Variants in RAPGEF1 observed in about 807,000 individuals in gnomAD.
The protein encoded by RAPGEF1 is CRK SH3-binding GNRP.
RAPGEF1 carries 33 observed loss-of-function variants against 143.3 expected under a neutral mutation model. The observed-to-expected ratio is 0.23, with a 90% CI of 0.17 to 0.31. The LOEUF is 0.31. RAPGEF1 is among the 10% of genes least tolerant of loss of function. RAPGEF1 has a pLI of 1.00. For synonymous variants in RAPGEF1, 629 were observed against 676.5 expected (o/e 0.93, Z 1.09); for missense variants, 1,199 against 1,645.4 (o/e 0.73, Z 4.69).
chr9:131,662,826 C>T (rs2133684393), intron 1 of RAPGEF1, among the ~76,000 whole-genome samples: 1 of 152,174 alleles, frequency 6.6e-6, no homozygotes. Flanking sequence ...CCATGCCCAG[C>T]CCTGGCTAAG....
Position 131,584,299 on chromosome 9 carries a change from A to G in RAPGEF1, c.3414+12T>C, listed in dbSNP as rs1952358366. The G allele has an allele frequency of 1.3e-6, 2 of 1,599,100 alleles. No individual in the cohort carries two copies. Among genetic ancestry groups the G allele is most frequent in the African/African-American group, 2.7e-5 (2 of 74,626 alleles). ...CCAGCCACCCTCCCGCCCACGCCCC[A>G]AGGCCACTCACCTCTGAAGTCTGCT... On this transcript the variant is annotated intron_variant, in intron 24 of 26. Coordinates refer to ENST00000683357, the MANE Select transcript of RAPGEF1 (RefSeq NM_001377935.1). The surrounding 1 kb of genome is among the most constrained non-coding windows in gnomAD (Gnocchi z 6.8).
rs370442728 is a variant in RAPGEF1, at chr9:131,641,311, C to A, written c.494+1928G>T. Among the ~76,000 whole-genome samples, 1 of 152,180 alleles carries A rather than the reference C, an allele frequency of 6.6e-6. No homozygotes were observed. Among genetic ancestry groups the A allele is most frequent in the African/African-American group, 2.4e-5 (1 of 41,442 alleles). On this transcript the variant is annotated intron_variant, in intron 4 of 26. Transcript: ENST00000683357. The surrounding 1 kb of genome is among the most constrained non-coding windows in gnomAD (Gnocchi z 4.6). ...TCTCGTCCATGCTCTAGGACATATA[C>A]CCTCTGCCCATGACTGCCCGAGTCG...
At chr9:131,605,599 C>T (rs1303455392) in intron 12 of RAPGEF1, among the ~76,000 whole-genome samples, 4 of 152,154 alleles carry the variant, frequency 2.6e-5, no homozygotes, top group African/African-American at 9.7e-5. Flanking sequence ...GGTTTTATTC[C>T]TTAAGAGTCA....
chr9:131,597,617 C>A (rs1246081667), intron 16 of RAPGEF1, among the ~76,000 whole-genome samples: 1 of 152,216 alleles, frequency 6.6e-6, no homozygotes, highest in Non-Finnish European at 1.5e-5. Context: ...CACTCTCTGT[C>A]CTGCTTCCTC....
chr9:131,617,536 C>T (rs17148109), intron 12 of RAPGEF1, among the ~76,000 whole-genome samples: 2,470 of 152,322 alleles, frequency 0.016, 64 homozygotes, highest in African/African-American at 0.055. Context: ...CTTTAAAAGT[C>T]ACTCGGTCCA....
At chr9:131,636,070 G>A (rs76664321) in intron 5 of RAPGEF1, among the ~76,000 whole-genome samples, 5,442 of 152,202 alleles carry the variant, frequency 0.036, 214 homozygotes, top group East Asian at 0.09. Context: ...TTGGGGAAGC[G>A]TCTCTGACCA....
rs56044744 is a variant in RAPGEF1 at position 131,730,697 on chromosome 9, C to CAAAAAAAAAAAAAAAAAAAAAAAAAAAA, written c.61+9072_61+9073insTTTTTTTTTTTTTTTTTTTTTTTTTTTT. On this transcript the variant is annotated intron_variant, in intron 1 of 26. Coordinates refer to ENST00000683357, the MANE Select transcript of RAPGEF1 (RefSeq NM_001377935.1). ...GCAACAGCAGAGTGAGACTCCATCTCAAAAAAAAAAAAAAAAAAAAAGAAG... is the reference window on the plus strand; with the variant it reads ...GCAACAGCAGAGTGAGACTCCATCTCAAAAAAAAAAAAAAAAAAAAAAAAAAAAAAAAAAAAAAAAAAAAAAAAAGAAG... Among the ~76,000 whole-genome samples, 58 of 80,364 alleles carry CAAAAAAAAAAAAAAAAAAAAAAAAAAAA rather than the reference C, an allele frequency of 7.2e-4. 3 individuals are homozygous for CAAAAAAAAAAAAAAAAAAAAAAAAAAAA. Among genetic ancestry groups the CAAAAAAAAAAAAAAAAAAAAAAAAAAAA allele is most frequent in the Admixed American group, 1.1e-3 (7 of 6,628 alleles). The allele number at this position is 80,364 out of a possible 152,430, so 52.7% of individuals were successfully genotyped here.
chr9:131,603,841 T>C (rs1459742682), intron 14 of RAPGEF1, 120 bp downstream of exon 14: 6 of 492,478 alleles, frequency 1.2e-5, no homozygotes, highest in Non-Finnish European at 1.6e-5. Flanking sequence ...CCCAGTCTGC[T>C]GGTGACTAGG....
intron 1 of RAPGEF1, among the ~76,000 whole-genome samples, chr9:131,731,573 C>T (rs1837075851): frequency 6.6e-6 from 1 of 152,190 alleles, no homozygotes. Flanking sequence ...GTGTCACACT[C>T]CTGCTCCGTT....
chr9:131,705,448 C>T (rs999520210), intron 1 of RAPGEF1, among the ~76,000 whole-genome samples: 2 of 151,962 alleles, frequency 1.3e-5, no homozygotes, highest in African/African-American at 4.8e-5. Context: ...ACGAGGAAAG[C>T]GAGGGCATTT....
At chr9:131,716,319 G>A (rs1458949103) in intron 1 of RAPGEF1, among the ~76,000 whole-genome samples, 1 of 152,212 alleles carries the variant, frequency 6.6e-6, no homozygotes, top group Admixed American at 6.5e-5. Flanking sequence ...GGCAATCAGG[G>A]CTCAGCATCC....
chr9:131,579,355 C>T lies in RAPGEF1; in HGVS notation c.*142G>A. The stretch of plus-strand genomic sequence containing the variant: ...AGCGGCTGGCAGGCTCCAGCTCCCG[C>T]CCGGCCCCGCTGAGGGCTGGCCAGC... On this transcript the variant is annotated 3_prime_UTR_variant, in exon 27 of 27. Coordinates refer to ENST00000683357, the MANE Select transcript of RAPGEF1 (RefSeq NM_001377935.1). The T allele has an allele frequency of 2.4e-6, 3 of 1,228,440 alleles. No homozygotes were observed. The highest frequency in any genetic ancestry group is 3.4e-6 in the Non-Finnish European group (3 of 885,224). The allele number at this position is 1,228,440 out of a possible 1,614,324, so 76.1% of individuals were successfully genotyped here.
chr9:131,594,772 A>G (rs1175848366), intron 17 of RAPGEF1, among the ~76,000 whole-genome samples: 1 of 152,242 alleles, frequency 6.6e-6, no homozygotes, highest in Non-Finnish European at 1.5e-5. Flanking sequence ...TCCAGCCAGC[A>G]AAAGCCAGAA....
intron 22 of RAPGEF1, among the ~76,000 whole-genome samples, chr9:131,586,881 C>G (rs1257160596): frequency 1.0e-4 from 11 of 106,474 alleles, no homozygotes; most frequent in Admixed American, 1.8e-4. Flanking sequence ...GAGCGAGACT[C>G]CGTCTCAAAC....
At chr9:131,652,422 A>G (rs1023050931) in intron 1 of RAPGEF1, among the ~76,000 whole-genome samples, 30 of 152,120 alleles carry the variant, frequency 2.0e-4, no homozygotes, top group African/African-American at 7.0e-4. Flanking sequence ...GCTCAGTTTT[A>G]AACTTTTTGT....
At chr9:131,601,199 A>G (rs533137147) in intron 15 of RAPGEF1, among the ~76,000 whole-genome samples, 19 of 146,682 alleles carry the variant, frequency 1.3e-4, no homozygotes, top group Non-Finnish European at 9.1e-5. Context: ...AAAAAAAGTT[A>G]TAAGACATTA....
intron 11 of RAPGEF1, among the ~76,000 whole-genome samples, chr9:131,619,471 G>A (rs1960090681): frequency 6.6e-6 from 1 of 152,226 alleles, no homozygotes; most frequent in African/African-American, 2.4e-5. Flanking sequence ...AGGAGGACGA[G>A]GGGGCTGGAG....
rs71372752 is a variant in RAPGEF1, at chr9:131,586,795, AACAC to A, written c.3233+937_3233+940del. ...ACACCTGCAGAGCGAGACTCCGTCA[AACAC>A]ACACACACACACACACACCTGCAGA... On this transcript the variant is annotated intron_variant, in intron 22 of 26. Coordinates refer to ENST00000683357, the MANE Select transcript of RAPGEF1 (RefSeq NM_001377935.1). Among the ~76,000 whole-genome samples the A allele has an allele frequency of 5.9e-4, 12 of 20,428 alleles. 1 individual carries two copies. The highest frequency in any genetic ancestry group is 1.6e-3 in the East Asian group (1 of 640). The allele number at this position is 20,428 out of a possible 152,430, so 13.4% of individuals were successfully genotyped here.
chr9:131,606,611 A>C (rs924501326), intron 12 of RAPGEF1, among the ~76,000 whole-genome samples: 3 of 152,184 alleles, frequency 2.0e-5, no homozygotes, highest in Admixed American at 2.0e-4. Flanking sequence ...ATGAAGTTTT[A>C]AACTAACAAG....
Sources: allele counts gnomAD v4.1 joint callset (sites outside exome capture counted in the v4.1 genomes callset), GRCh38; gene constraint gnomAD v4.1.1; non-coding constraint Gnocchi (gnomAD v3.1); transcripts MANE v1.5; gene names NCBI Gene and HGNC (gene_info 2026-07-23, HGNC 2026-07-21).